DAB1: variants seen among roughly 807,000 people sequenced by gnomAD.
DAB1 encodes the protein DAB adaptor protein 1.
In DAB1, 15 loss-of-function variants were observed where a neutral mutation model predicts 64.6. The observed-to-expected ratio is 0.23, with a 90% CI of 0.16 to 0.36. DAB1 has a LOEUF of 0.36. Among genes scored for constraint, DAB1 ranks in the 10% least tolerant of loss-of-function variants. The pLI is 1.00. For synonymous variants in DAB1, 235 were observed against 251.9 expected (o/e 0.93, Z 0.64); for missense variants, 596 against 706.7 (o/e 0.84, Z 1.78).
At chr1:57,752,698 G>A (rs937969612) in intron 6 of DAB1, among the ~76,000 whole-genome samples, 12 of 152,166 alleles carry the variant, frequency 7.9e-5, no homozygotes, top group Admixed American at 1.3e-4. Context: ...AATGATTCAA[G>A]GCTCTAGAAT....
intron 1 of DAB1, among the ~76,000 whole-genome samples, chr1:57,831,318 A>C (rs1010390055): frequency 3.9e-5 from 6 of 152,004 alleles, no homozygotes; most frequent in African/African-American, 1.5e-4. Flanking sequence ...AGACTCTACT[A>C]ATGTTTTTCC....
chr1:58,081,611 A>C (rs558491173), intron 5 of DAB1, among the ~76,000 whole-genome samples: 10 of 152,354 alleles, frequency 6.6e-5, no homozygotes, highest in African/African-American at 2.4e-4. Flanking sequence ...GCCAGAAATC[A>C]TGCTCCTACT....
chr1:57,640,169 A>G (rs1349386145), intron 7 of DAB1, among the ~76,000 whole-genome samples: 1 of 152,148 alleles, frequency 6.6e-6, no homozygotes, highest in African/African-American at 2.4e-5. Flanking sequence ...TGAGTTCCTC[A>G]TCACTTGGGG....
At chr1:58,225,067 CAAAGGGCT>C (rs1170989417) in intron 4 of DAB1, among the ~76,000 whole-genome samples, 1 of 151,652 alleles carries the variant, frequency 6.6e-6, no homozygotes, top group Non-Finnish European at 1.5e-5. Context: ...ACTCATCTGA[CAAAGGGCT>C]AATATCCAGA....
rs1379386172 is a variant in DAB1, at chr1:57,380,969, TATTCC to T, written c.-137+42956_-137+42960del. On this transcript the variant is annotated intron_variant, in intron 1 of 14. Transcript: ENST00000371236. The stretch of plus-strand genomic sequence containing the variant: ...GTCTCCTATATCTCCTCCAAGCTTA[TATTCC>T]ATCCCTATCCTAAAATATTGGTAAG... Among the ~76,000 whole-genome samples, 4 of 152,286 alleles carry T rather than the reference TATTCC, an allele frequency of 2.6e-5. No individual in the cohort carries two copies. In the East Asian group the frequency reaches 7.7e-4, roughly 29 times the overall value.
At chr1:57,303,668 C>CA (rs1673868490) in intron 1 of DAB1, among the ~76,000 whole-genome samples, 1 of 148,500 alleles carries the variant, frequency 6.7e-6, no homozygotes, top group African/African-American at 2.6e-5. Context: ...GAAAAACAAA[C>CA]AAACAAAAAA....
rs1303617856 is a variant in DAB1, at chr1:58,161,753, T to C, written n.310-11165A>G. ...AACTTGTTCAAGGCCATTCAGTTAG[T>C]AAGTAGTAAAACTTGGCTATGAACT... On this transcript the variant is annotated intron_variant and non_coding_transcript_variant, in intron 4 of 20. Transcript: ENST00000485760. Among the ~76,000 whole-genome samples the C allele has an allele frequency of 2.6e-5, 4 of 152,210 alleles. No homozygotes were observed. In the South Asian group the frequency reaches 8.3e-4, roughly 32 times the overall value.
chr1:58,018,625 C>G (rs1227320716), intron 5 of DAB1, among the ~76,000 whole-genome samples: 2 of 152,186 alleles, frequency 1.3e-5, no homozygotes, highest in East Asian at 3.8e-4. Context: ...ACAAGCTAAA[C>G]TGAAATTTCC....
chr1:58,332,500 T>C (rs1336616480), intron 4 of DAB1, among the ~76,000 whole-genome samples: 2 of 152,200 alleles, frequency 1.3e-5, no homozygotes, highest in Non-Finnish European at 2.9e-5. Flanking sequence ...GTCTACACTA[T>C]AGTAGTCTGT....
chr1:57,500,101 G>A (rs893136040), intron 7 of DAB1, among the ~76,000 whole-genome samples: 7 of 152,126 alleles, frequency 4.6e-5, no homozygotes, highest in Non-Finnish European at 8.8e-5. Context: ...AGTTTGCTTC[G>A]CAAAATAGAA....
intron 7 of DAB1, among the ~76,000 whole-genome samples, chr1:57,569,713 T>A (rs1284254258): frequency 1.3e-5 from 2 of 152,104 alleles, no homozygotes; most frequent in African/African-American, 4.8e-5. Context: ...AACCTGCATG[T>A]TGTGCACATG....
chr1:57,661,686 C>A (rs1315660167), intron 6 of DAB1, among the ~76,000 whole-genome samples: 3 of 152,072 alleles, frequency 2.0e-5, no homozygotes, highest in Admixed American at 6.5e-5. Context: ...CACACATCCT[C>A]CCATACACTT....
chr1:58,152,351 G>A (rs539195498), intron 4 of DAB1, among the ~76,000 whole-genome samples: 5 of 152,226 alleles, frequency 3.3e-5, no homozygotes, highest in South Asian at 4.2e-4. Flanking sequence ...TCAGAGAGAA[G>A]GTAAAGAGAA....
intron 2 of DAB1, among the ~76,000 whole-genome samples, chr1:57,152,572 C>T (rs1659795907): frequency 6.6e-6 from 1 of 152,240 alleles, no homozygotes; most frequent in African/African-American, 2.4e-5. Context: ...CAGATGTTAT[C>T]TCTGCTACTG....
At chr1:58,214,537 G>C (rs1193724948) in intron 4 of DAB1, among the ~76,000 whole-genome samples, 1 of 152,106 alleles carries the variant, frequency 6.6e-6, no homozygotes, top group Non-Finnish European at 1.5e-5. Flanking sequence ...AATTGTGCTT[G>C]GACATCTGGT....
intron 6 of DAB1, among the ~76,000 whole-genome samples, chr1:57,770,019 G>A (rs1649488486): frequency 6.6e-6 from 1 of 152,212 alleles, no homozygotes; most frequent in African/African-American, 2.4e-5. Context: ...CTTCTTAAGG[G>A]CAGCATTGGA....
chr1:57,612,725 A>G (rs1438169746), intron 7 of DAB1, among the ~76,000 whole-genome samples: 7 of 152,286 alleles, frequency 4.6e-5, no homozygotes, highest in South Asian at 4.1e-4. Context: ...ATAAATTCAC[A>G]TTGTTTTGAG....
In DAB1 at chr1:57,848,130, C is replaced by T. The variant is rs1414419994; in HGVS notation, n.88-21675G>A. 2.0e-5 allele frequency among the ~76,000 whole-genome samples: 3 copies of T among 152,172 alleles called. No homozygotes were observed. The East Asian group carries it at 5.8e-4, about 29-fold the overall frequency. ...GTTAAACAACCTTAAAGAAAGAATG[C>T]ATATCCTTTCAAGACATGTATTCTA... On this transcript the variant is annotated intron_variant and non_coding_transcript_variant, in intron 1 of 1. Transcript: ENST00000477280.
intron 5 of DAB1, among the ~76,000 whole-genome samples, chr1:58,058,969 T>C (rs985632774): frequency 1.1e-4 from 17 of 152,184 alleles, no homozygotes; most frequent in African/African-American, 4.1e-4. Flanking sequence ...CCTGTACATC[T>C]GTGGCCATCT....
Sources: allele counts gnomAD v4.1 joint callset (sites outside exome capture counted in the v4.1 genomes callset), GRCh38; gene constraint gnomAD v4.1.1; transcripts MANE v1.5; gene names NCBI Gene and HGNC (gene_info 2026-07-23, HGNC 2026-07-21).